The following CACNB4 variants were observed in gnomAD, a reference collection of about 807,000 sequenced individuals.
CACNB4 encodes voltage-dependent L-type calcium channel subunit beta-4.
In CACNB4, 32 loss-of-function variants were observed where a neutral mutation model predicts 71.2. The ratio of observed to expected loss-of-function variants is 0.45; its 90% confidence interval spans 0.34 to 0.60. The LOEUF (loss-of-function observed/expected upper bound fraction) is 0.60, where lower values mean the gene tolerates loss of function less well. CACNB4 is among the 20% of genes least tolerant of loss of function. The probability of loss-of-function intolerance (pLI) is 0.01; values close to 1 mark genes in which losing one functional copy is unlikely to be tolerated. For synonymous variants in CACNB4, 231 were observed against 236.9 expected (o/e 0.97, Z 0.23); for missense variants, 464 against 647.9 (o/e 0.72, Z 3.08).
chr2:152,006,843 C>T (rs974612566), intron 2 of CACNB4, among the ~76,000 whole-genome samples: 2 of 152,178 alleles, frequency 1.3e-5, no homozygotes, highest in East Asian at 1.9e-4. Flanking sequence ...TAGCCAGCTC[C>T]TATCTATCTA....
At position 151,953,962 on chromosome 2, in the gene CACNB4, T is replaced by C. The variant is rs151307980; in HGVS notation, c.148-70592A>G. ...AAAGCTCAGATGTCTTTACAACAAA[T>C]TCTATCTGTCTTTTGAACAAATATG... On this transcript the variant is annotated intron_variant, in intron 2 of 13. Coordinates refer to ENST00000539935, the MANE Select transcript of CACNB4 (RefSeq NM_000726.5). 8.3e-3 allele frequency among the ~76,000 whole-genome samples: 1,262 copies of C among 152,318 alleles called. 15 individuals carry two copies. Among genetic ancestry groups the C allele is most frequent in the African/African-American group, 0.028 (1,183 of 41,558 alleles).
intron 2 of CACNB4, among the ~76,000 whole-genome samples, chr2:151,944,027 CTTTT>C (rs377579759): frequency 2.2e-5 from 3 of 134,886 alleles, no homozygotes; most frequent in Non-Finnish European, 3.1e-5. Flanking sequence ...TACTTTCTTT[CTTTT>C]TTTTTTTTTT....
intron 2 of CACNB4, among the ~76,000 whole-genome samples, chr2:152,043,708 T>TG (rs1194042303): frequency 6.6e-6 from 1 of 152,228 alleles, no homozygotes; most frequent in African/African-American, 2.4e-5. Flanking sequence ...GTACACCTAC[T>TG]GGGGTTCTGT....
chr2:151,936,597 G>A (rs566220605), intron 2 of CACNB4, among the ~76,000 whole-genome samples: 3 of 152,158 alleles, frequency 2.0e-5, no homozygotes, highest in Non-Finnish European at 2.9e-5. Context: ...TCTGTGCCTC[G>A]GATGTCCTGT....
chr2:151,962,965 G>GT (rs1289866275), intron 2 of CACNB4: 2 of 152,134 alleles, frequency 1.3e-5, no homozygotes, highest in African/African-American at 2.4e-5. Context: ...GTTTATTCCA[G>GT]TTTTTTATAG....
intron 10 of CACNB4, chr2:151,858,273 G>A (rs992256609): frequency 6.6e-6 from 1 of 152,078 alleles, no homozygotes; most frequent in Non-Finnish European, 1.5e-5. Context: ...CCTCTCTCCA[G>A]GATCCCTGTC....
chr2:151,887,745 G>A (rs1307519535), intron 2 of CACNB4, among the ~76,000 whole-genome samples: 2 of 152,104 alleles, frequency 1.3e-5, no homozygotes, highest in South Asian at 2.1e-4. Context: ...AATTTCCTCC[G>A]TTAGAAAATG....
At chr2:152,078,524 C>A (rs577979916) in intron 2 of CACNB4, among the ~76,000 whole-genome samples, 1 of 152,234 alleles carries the variant, frequency 6.6e-6, no homozygotes, top group Non-Finnish European at 1.5e-5. Flanking sequence ...CACATGGCAA[C>A]TCAGCTAGAG....
At chr2:151,971,492 A>G in intron 2 of CACNB4, 1 of 702,674 alleles carries the variant, frequency 1.4e-6, no homozygotes, top group Non-Finnish European at 2.6e-6. Context: ...ACGCCTATCC[A>G]CCAGACCTGT....
intron 2 of CACNB4, among the ~76,000 whole-genome samples, chr2:151,906,627 C>T (rs922005097): frequency 6.6e-6 from 1 of 152,110 alleles, no homozygotes. Context: ...TTTTGCTGTC[C>T]TACTTTCATC....
intron 2 of CACNB4, among the ~76,000 whole-genome samples, chr2:151,925,999 C>A (rs1333168251): frequency 1.3e-5 from 2 of 152,098 alleles, no homozygotes; most frequent in Non-Finnish European, 2.9e-5. Flanking sequence ...TATTAAACAA[C>A]CAAATGGAGG....
intron 13 of CACNB4, among the ~76,000 whole-genome samples, chr2:151,840,369 C>T (rs1023921630): frequency 6.6e-6 from 1 of 152,194 alleles, no homozygotes; most frequent in Non-Finnish European, 1.5e-5. Flanking sequence ...ATTAGTGAAA[C>T]AGGGAGAACC....
intron 2 of CACNB4, among the ~76,000 whole-genome samples, chr2:151,996,478 TAAAAA>T: frequency 7.3e-6 from 1 of 136,346 alleles, no homozygotes; most frequent in East Asian, 2.1e-4. Context: ...CCCTGTCTCT[TAAAAA>T]AAAAAAAAAA....
chr2:152,020,522 T>C (rs967077436), intron 2 of CACNB4, among the ~76,000 whole-genome samples: 1 of 152,150 alleles, frequency 6.6e-6, no homozygotes, highest in Non-Finnish European at 1.5e-5. Flanking sequence ...TGATGTCTGA[T>C]GATAAAGAAA....
At chr2:151,962,623 T>G (rs2099869949) in intron 2 of CACNB4, among the ~76,000 whole-genome samples, 1 of 152,254 alleles carries the variant, frequency 6.6e-6, no homozygotes, top group African/African-American at 2.4e-5. Flanking sequence ...CATCAAGACC[T>G]GCATACAAAT....
intron 2 of CACNB4, among the ~76,000 whole-genome samples, chr2:152,049,824 T>A (rs2105285693): frequency 6.6e-6 from 1 of 152,372 alleles, no homozygotes; most frequent in East Asian, 1.9e-4. Flanking sequence ...GATAAACCAA[T>A]AAAAGAAACC....
chr2:151,858,409 A>C (rs571656696), intron 10 of CACNB4: 2 of 152,338 alleles, frequency 1.3e-5, no homozygotes, highest in African/African-American at 4.8e-5. Context: ...ATCTCATAAG[A>C]TATCCTATGG....
chr2:152,049,435 G>T (rs1268566407), intron 2 of CACNB4, among the ~76,000 whole-genome samples: 1 of 152,174 alleles, frequency 6.6e-6, no homozygotes, highest in Non-Finnish European at 1.5e-5. Context: ...ACAGGCGTGA[G>T]CCACTGCACC....
chr2:152,010,450 A>C (rs553989312), intron 2 of CACNB4, among the ~76,000 whole-genome samples: 1 of 152,358 alleles, frequency 6.6e-6, no homozygotes, highest in African/African-American at 2.4e-5. Context: ...CAAAGCTGAC[A>C]TAATATTATA....
Sources: allele counts gnomAD v4.1 joint callset (sites outside exome capture counted in the v4.1 genomes callset), GRCh38; gene constraint gnomAD v4.1.1; transcripts MANE v1.5; gene names NCBI Gene and HGNC (gene_info 2026-07-23, HGNC 2026-07-21).